Variants in TMC1 observed in about 807,000 individuals in gnomAD.
TMC1 encodes the protein transmembrane channel like 1.
TMC1 carries 84 observed loss-of-function variants against 105.8 expected under a neutral mutation model. The observed-to-expected ratio is 0.79, with a 90% CI of 0.67 to 0.95. TMC1 has a LOEUF of 0.95. Ranked by LOEUF, TMC1 falls within the 40% of genes least tolerant of loss-of-function variation. The pLI is 0.00. For missense variants in TMC1, 817 were observed against 914.1 expected, an observed-to-expected ratio of 0.89 and a Z score of 1.37; for synonymous variants, 315 against 311.5, an observed-to-expected ratio of 1.01 and a Z score of -0.12.
chr9:72,565,227 T>C lies in TMC1; in HGVS notation c.-427-12675T>C, dbSNP rs576790525. On this transcript the variant is annotated intron_variant, in intron 1 of 23. Coordinates refer to ENST00000297784, the MANE Select transcript of TMC1 (RefSeq NM_138691.3). The stretch of plus-strand genomic sequence containing the variant: ...TATTGATGCATTTGAAACAATAAAA[T>C]AATAAATATTTTTCCTTACCCTCGG... Among the ~76,000 whole-genome samples, 168 of 152,312 alleles carry C rather than the reference T, an allele frequency of 1.1e-3. 1 individual carries two copies. The highest frequency in any genetic ancestry group is 1.9e-3 in the Non-Finnish European group (126 of 68,010).
chr9:72,736,457 C>A (rs1588056718), intron 8 of TMC1, among the ~76,000 whole-genome samples: 1 of 152,246 alleles, frequency 6.6e-6, no homozygotes, highest in East Asian at 1.9e-4. Flanking sequence ...GTAGCTATTT[C>A]TTTACATCCT....
In TMC1 at chr9:72,607,594, C is replaced by T. The variant is rs114113781; in HGVS notation, c.-305-8774C>T. 9.0e-3 allele frequency among the ~76,000 whole-genome samples: 1,193 copies of T among 133,034 alleles called. 15 individuals are homozygous for T. Among genetic ancestry groups the T allele is most frequent in the African/African-American group, 0.032 (1,135 of 35,176 alleles). The allele number at this position is 133,034 out of a possible 152,430, so 87.3% of individuals were successfully genotyped here. The stretch of plus-strand genomic sequence containing the variant: ...TCGCGCCACTGCACTTCAGCCTGGG[C>T]GAGAATGCAAGAGTCTGCCTCAAAA... On this transcript the variant is annotated intron_variant, in intron 2 of 23. Transcript: ENST00000297784.
At chr9:72,688,416 T>G (rs1302467497) in intron 5 of TMC1, among the ~76,000 whole-genome samples, 1 of 152,112 alleles carries the variant, frequency 6.6e-6, no homozygotes, top group Non-Finnish European at 1.5e-5. Context: ...CAGAATTTAT[T>G]TTGGTTGAAG....
At chr9:72,528,129 A>T (rs1823436949) in intron 1 of TMC1, among the ~76,000 whole-genome samples, 1 of 152,140 alleles carries the variant, frequency 6.6e-6, no homozygotes, top group African/African-American at 2.4e-5. Context: ...CAAAGCCCTC[A>T]TGAATGGGAT....
chr9:72,720,339 T>C (rs531431062), intron 8 of TMC1, among the ~76,000 whole-genome samples: 1 of 152,334 alleles, frequency 6.6e-6, no homozygotes, highest in African/African-American at 2.4e-5. Context: ...TCACATGGCT[T>C]AGTAAGCTTA....
chr9:72,772,124 T>C (rs1352726537), intron 12 of TMC1, among the ~76,000 whole-genome samples: 2 of 152,182 alleles, frequency 1.3e-5, no homozygotes, highest in Admixed American at 6.5e-5. Context: ...TGTTTTGATG[T>C]TTAAATCAAA....
chr9:72,642,649 A>G (rs1248278886), intron 4 of TMC1, among the ~76,000 whole-genome samples: 1 of 152,236 alleles, frequency 6.6e-6, no homozygotes, highest in East Asian at 1.9e-4. Context: ...TTATATTGTC[A>G]ATTCAATTTT....
At chr9:72,648,491 TA>T in intron 4 of TMC1, 105 bp from the exon 5 acceptor site, 1 of 713,938 alleles carries the variant, frequency 1.4e-6, no homozygotes, top group Non-Finnish European at 2.5e-6. Context: ...AGTACCTTCT[TA>T]AGTTTCAGAT....
At chr9:72,529,804 A>AT (rs1823468315) in intron 1 of TMC1, among the ~76,000 whole-genome samples, 3 of 152,322 alleles carry the variant, frequency 2.0e-5, no homozygotes, top group South Asian at 2.1e-4. Flanking sequence ...TTAGAATCAA[A>AT]TTATGAGACT....
At chr9:72,627,359 T>TG (rs1427753369) in intron 3 of TMC1, among the ~76,000 whole-genome samples, 1 of 151,992 alleles carries the variant, frequency 6.6e-6, no homozygotes, top group Non-Finnish European at 1.5e-5. Flanking sequence ...CTTATCCCAG[T>TG]GGGGGTCAAG....
At chr9:72,813,934 C>G (rs1828742731) in intron 18 of TMC1, among the ~76,000 whole-genome samples, 1 of 152,148 alleles carries the variant, frequency 6.6e-6, no homozygotes, top group Non-Finnish European at 1.5e-5. Flanking sequence ...ATTTATAGAT[C>G]AAGGGGGTTG....
At chr9:72,788,001 A>G (rs558200137) in intron 13 of TMC1, among the ~76,000 whole-genome samples, 5 of 152,162 alleles carry the variant, frequency 3.3e-5, no homozygotes, top group African/African-American at 7.2e-5. Flanking sequence ...ATTTCATCGT[A>G]TTCTTAAAGA....
At chr9:72,726,912 TG>T (rs1350331485) in intron 8 of TMC1, among the ~76,000 whole-genome samples, 2 of 152,212 alleles carry the variant, frequency 1.3e-5, no homozygotes, top group African/African-American at 4.8e-5. Context: ...CTTCTCACTA[TG>T]GGGCAGCACT....
intron 2 of TMC1, among the ~76,000 whole-genome samples, chr9:72,581,808 A>G (rs1824479273): frequency 6.6e-6 from 1 of 152,212 alleles, no homozygotes; most frequent in Middle Eastern, 3.2e-3. Context: ...CACATTTTAC[A>G]TTCTCATGCT....
At chr9:72,560,730 C>T (rs986946543) in intron 1 of TMC1, among the ~76,000 whole-genome samples, 12 of 151,722 alleles carry the variant, frequency 7.9e-5, no homozygotes, top group South Asian at 2.1e-4. Flanking sequence ...TTGATCCGCC[C>T]GCCTCCGCCT....
intron 10 of TMC1, among the ~76,000 whole-genome samples, chr9:72,747,870 A>G (rs1277730782): frequency 1.3e-5 from 2 of 152,166 alleles, no homozygotes; most frequent in Non-Finnish European, 2.9e-5. Context: ...CTGGGATTAC[A>G]GGAGTGAGCC....
intron 1 of TMC1, among the ~76,000 whole-genome samples, chr9:72,554,127 T>C (rs1365487699): frequency 6.6e-6 from 1 of 152,232 alleles, no homozygotes; most frequent in Non-Finnish European, 1.5e-5. Context: ...AGTGCCTTTT[T>C]TTTCCCCAGT....
At chr9:72,721,654 C>T (rs1341036) in intron 8 of TMC1, among the ~76,000 whole-genome samples, 34,651 of 152,056 alleles carry the variant, frequency 0.23, 4,285 homozygotes, top group East Asian at 0.38. Flanking sequence ...GGTCCTGTAA[C>T]AGTGCAGGTC....
intron 2 of TMC1, among the ~76,000 whole-genome samples, chr9:72,582,107 G>A (rs950289492): frequency 1.3e-5 from 2 of 152,064 alleles, no homozygotes; most frequent in African/African-American, 2.4e-5. Context: ...ACAGGCATGC[G>A]CCACCATGCC....
Sources: gnomAD v4.1 joint callset for allele counts (sites outside exome capture counted in the v4.1 genomes callset) on GRCh38, gnomAD v4.1.1 for gene constraint, MANE v1.5 for transcripts, NCBI Gene and HGNC (gene_info 2026-07-23, HGNC 2026-07-21) for gene names.